Variants in CCDC62 observed in about 807,000 individuals in gnomAD.
The protein encoded by CCDC62 is coiled-coil domain containing 62, also known as coiled-coil domain-containing protein 62.
CCDC62 carries 72 observed loss-of-function variants against 80.8 expected under a neutral mutation model. The ratio of observed to expected loss-of-function variants is 0.89; its 90% CI spans 0.74 to 1.08. The LOEUF is 1.08. Among genes scored for constraint, CCDC62 ranks in the 50% least tolerant of loss-of-function variants. The probability of loss-of-function intolerance (pLI) is 0.00; values close to 1 mark genes in which losing one functional copy is unlikely to be tolerated. For missense variants in CCDC62, 704 were observed against 809.4 expected, an observed-to-expected ratio of 0.87 and a Z score of 1.58; for synonymous variants, 286 against 296.5, an observed-to-expected ratio of 0.96 and a Z score of 0.36.
rs774765234 is a variant in CCDC62 at position 122,823,407 on chromosome 12, T to C, written c.2043T>C (p.Phe681=). The change falls in exon 12 of 13, where the codon TTT becomes TTC. Residue 681 remains phenylalanine, a synonymous_variant. Coordinates refer to ENST00000253079, the MANE Select transcript of CCDC62 (RefSeq NM_201435.5). The part of the protein sequence containing the change: ...VPEESAQKNT[F]VSY The stretch of plus-strand genomic sequence containing the variant: ...AAGAGTCAGCTCAAAAAAATACCTT[T>C]GTCAGTTATTGAAGGAAACAAAAGG... 1.9e-6 allele frequency: 3 copies of C among 1,613,264 alleles called. No homozygotes were observed. Among genetic ancestry groups the C allele is most frequent in the Non-Finnish European group, 2.5e-6 (3 of 1,179,200 alleles).
intron 11 of CCDC62, among the ~76,000 whole-genome samples, chr12:122,820,484 C>T (rs374073807): frequency 1.3e-5 from 2 of 152,062 alleles, no homozygotes; most frequent in East Asian, 1.9e-4. Context: ...TGGCCTTTCT[C>T]GTGGCAGGCT....
intron 9 of CCDC62, among the ~76,000 whole-genome samples, chr12:122,805,599 C>T (rs531995848): frequency 7.1e-4 from 104 of 147,224 alleles, no homozygotes; most frequent in African/African-American, 2.5e-3. Flanking sequence ...CCTGCAAGCT[C>T]TGCCTCCCGG....
intron 11 of CCDC62, among the ~76,000 whole-genome samples, chr12:122,818,990 A>G (rs979033464): frequency 6.6e-6 from 1 of 152,214 alleles, no homozygotes; most frequent in African/African-American, 2.4e-5. Flanking sequence ...TTCCAACCTT[A>G]CATTTTACAG....
intron 9 of CCDC62, among the ~76,000 whole-genome samples, chr12:122,804,290 C>T (rs943057921): frequency 9.9e-5 from 15 of 152,098 alleles, no homozygotes; most frequent in East Asian, 1.9e-4. Flanking sequence ...AGGTCGAGAC[C>T]GACCTGGCCA....
intron 10 of CCDC62, among the ~76,000 whole-genome samples, chr12:122,811,423 C>CTCCATGT (rs1348598274): frequency 1.3e-5 from 2 of 148,912 alleles, no homozygotes; most frequent in African/African-American, 4.9e-5. Context: ...GTTGGTCAGG[C>CTCCATGT]TGGTCTCAAA....
intron 2 of CCDC62, among the ~76,000 whole-genome samples, chr12:122,778,753 C>G (rs1482789673): frequency 6.6e-6 from 1 of 152,068 alleles, no homozygotes; most frequent in Admixed American, 6.6e-5. Flanking sequence ...GTGGTGGGCG[C>G]CTGTAGTCCC....
chr12:122,789,782 C>T (rs2030487864), intron 5 of CCDC62, among the ~76,000 whole-genome samples: 1 of 152,162 alleles, frequency 6.6e-6, no homozygotes, highest in African/African-American at 2.4e-5. Flanking sequence ...AAAATGTTGT[C>T]CTTATGATGC....
intron 11 of CCDC62, among the ~76,000 whole-genome samples, chr12:122,815,927 C>T (rs1379962975): frequency 6.6e-6 from 1 of 152,140 alleles, no homozygotes; most frequent in Non-Finnish European, 1.5e-5. Context: ...ACATCTTTGC[C>T]TTATTTCACG....
chr12:122,778,309 GC>G (rs1879607717), intron 2 of CCDC62, among the ~76,000 whole-genome samples: 1 of 149,766 alleles, frequency 6.7e-6, no homozygotes, highest in Non-Finnish European at 1.5e-5. Flanking sequence ...AGCCAAGATT[GC>G]GCCACTGCAC....
At chr12:122,820,431 T>G (rs2032354942) in intron 11 of CCDC62, among the ~76,000 whole-genome samples, 1 of 152,220 alleles carries the variant, frequency 6.6e-6, no homozygotes, top group Admixed American at 6.5e-5. Flanking sequence ...CTGGCCGTCC[T>G]GATTGCTGGC....
intron 4 of CCDC62, among the ~76,000 whole-genome samples, chr12:122,788,337 C>T (rs2030393519): frequency 6.6e-6 from 1 of 152,122 alleles, no homozygotes; most frequent in Admixed American, 6.6e-5. Context: ...AATGATGGGC[C>T]ATTAGACTTA....
intron 11 of CCDC62, among the ~76,000 whole-genome samples, chr12:122,817,523 C>T (rs926366463): frequency 6.6e-6 from 1 of 151,662 alleles, no homozygotes; most frequent in African/African-American, 2.4e-5. Context: ...AGAGTTTCAC[C>T]ATGTTGGCCA....
At chr12:122,799,274 A>G (rs1222051386) in intron 8 of CCDC62, among the ~76,000 whole-genome samples, 1 of 152,096 alleles carries the variant, frequency 6.6e-6, no homozygotes, top group East Asian at 1.9e-4. Flanking sequence ...TAGAATAGAC[A>G]CTACAGAGAT....
intron 10 of CCDC62, among the ~76,000 whole-genome samples, chr12:122,807,498 T>C (rs1593817724): frequency 8.3e-6 from 1 of 119,924 alleles, no homozygotes; most frequent in African/African-American, 3.3e-5. Flanking sequence ...ACCATTGCAC[T>C]CCAGCCTGGC....
chr12:122,800,516 C>T (rs1177534688), intron 8 of CCDC62, among the ~76,000 whole-genome samples: 1 of 151,720 alleles, frequency 6.6e-6, no homozygotes, highest in African/African-American at 2.4e-5. Context: ...CAACCTCCAC[C>T]TCCCAGGTTC....
In CCDC62 at chr12:122,788,873, A is replaced by C. The variant is rs202205961; in HGVS notation, c.614A>C (p.Lys205Thr). 1.7e-5 allele frequency: 28 copies of C among 1,611,680 alleles called. No homozygotes were observed. The African/African-American group carries it at 1.9e-4, about 11-fold the overall frequency. The stretch of plus-strand genomic sequence containing the variant: ...GCGGAGACTTGTATTGTGAAAGAAA[A>C]GCAAGATTATAAGCAGAAATTGAAG... ...KMAETCIVKE[K>T]QDYKQKLKAL... Residue 205 changes from lysine (K) to threonine (T), a missense_variant, in exon 5 of 13, where the codon AAG becomes ACG. Transcript: ENST00000253079.
chr12:122,797,744 G>A (rs920234326), intron 7 of CCDC62, among the ~76,000 whole-genome samples: 3 of 151,918 alleles, frequency 2.0e-5, no homozygotes, highest in African/African-American at 7.3e-5. Context: ...GTTTTACTGT[G>A]TTGGCCAGGC....
At chr12:122,787,945 C>T (rs1038694483) in intron 4 of CCDC62, among the ~76,000 whole-genome samples, 8 of 152,072 alleles carry the variant, frequency 5.3e-5, no homozygotes, top group South Asian at 2.1e-4. Flanking sequence ...CTTATTAGAA[C>T]GGTTATTTTT....
At position 122,813,312 on chromosome 12, in the gene CCDC62, A is replaced by G. The variant is rs1228554163; in HGVS notation, c.1894A>G (p.Ser632Gly). 1.2e-6 allele frequency: 2 copies of G among 1,613,660 alleles called. No individual in the cohort carries two copies. Among genetic ancestry groups the G allele is most frequent in the Non-Finnish European group, 1.7e-6 (2 of 1,179,744 alleles). Residue 632 changes from serine (S) to glycine (G), a missense_variant, in exon 11 of 13, where the codon AGC becomes GGC. Transcript: ENST00000253079. ...CTCCCAGGATGATTTCTCGCCCACG[A>G]GCAAGCTCCAGCGTTTGCTGGCGGA... is the stretch of plus-strand genomic sequence containing the variant. ...LPSQDDFSPT[S>G]KLQRLLAESR... is the part of the protein sequence containing the mutation.
Sources: gnomAD v4.1 joint callset for allele counts (sites outside exome capture counted in the v4.1 genomes callset) on GRCh38, gnomAD v4.1.1 for gene constraint, MANE v1.5 for transcripts, NCBI Gene and HGNC (gene_info 2026-07-23, HGNC 2026-07-21) for gene names.